Variants in SLC9A9 observed in about 807,000 individuals in gnomAD.
The protein encoded by SLC9A9 is solute carrier family 9 member A9, also known as sodium/hydrogen exchanger 9.
SLC9A9 carries 62 observed loss-of-function variants against 77.8 expected under a neutral mutation model. The observed-to-expected ratio is 0.80, with a 90% CI of 0.65 to 0.98. The LOEUF is 0.98. Among genes scored for constraint, SLC9A9 ranks in the 50% least tolerant of loss-of-function variants. The pLI is 0.00. For synonymous variants in SLC9A9, 320 were observed against 283.5 expected (o/e 1.13, Z -1.29); for missense variants, 775 against 774.9 (o/e 1.00, Z 0.00).
intron 9 of SLC9A9, chr3:143,517,768 C>T: frequency 1.9e-6 from 3 of 1,598,476 alleles, no homozygotes; most frequent in Non-Finnish European, 1.7e-6. Flanking sequence ...AGACACTGGC[C>T]CTCTTGGCAT....
intron 6 of SLC9A9, among the ~76,000 whole-genome samples, chr3:143,604,942 G>A (rs2037898006): frequency 1.3e-5 from 2 of 152,206 alleles, no homozygotes; most frequent in South Asian, 4.1e-4. Context: ...GTTGAAACAA[G>A]TTAGAGACTG....
chr3:143,744,348 C>T (rs1281692853), intron 4 of SLC9A9, among the ~76,000 whole-genome samples: 2 of 152,152 alleles, frequency 1.3e-5, no homozygotes, highest in African/African-American at 2.4e-5. Context: ...AAAGACATCC[C>T]TCGTGGTGCC....
At chr3:143,805,428 T>C (rs1474442034) in intron 2 of SLC9A9, among the ~76,000 whole-genome samples, 2 of 152,012 alleles carry the variant, frequency 1.3e-5, no homozygotes, top group East Asian at 3.9e-4. Context: ...GCCCCAACAC[T>C]TCAATACTAT....
chr3:143,655,404 A>C, intron 5 of SLC9A9: 156 of 899,274 alleles, frequency 1.7e-4, no homozygotes, highest in Non-Finnish European at 1.9e-4. Flanking sequence ...CACTCTGGAC[A>C]TCGTGTGGAT....
At chr3:143,680,796 T>C (rs1476676884) in intron 5 of SLC9A9, among the ~76,000 whole-genome samples, 3 of 152,214 alleles carry the variant, frequency 2.0e-5, no homozygotes, top group Non-Finnish European at 4.4e-5. Context: ...CTAGAACTTC[T>C]ATGCCAGTAT....
At chr3:143,415,706 C>T (rs1480259468) in intron 12 of SLC9A9, among the ~76,000 whole-genome samples, 1 of 152,150 alleles carries the variant, frequency 6.6e-6, no homozygotes, top group Non-Finnish European at 1.5e-5. Flanking sequence ...GTGGCTAATA[C>T]AACATCAGCC....
chr3:143,369,577 G>T (rs1053715814), intron 13 of SLC9A9, among the ~76,000 whole-genome samples: 47 of 151,976 alleles, frequency 3.1e-4, no homozygotes, highest in Admixed American at 9.8e-4. Flanking sequence ...ATTACACATT[G>T]CATACATGTA....
chr3:143,425,660 C>T (rs577515808), intron 12 of SLC9A9, among the ~76,000 whole-genome samples: 115 of 152,278 alleles, frequency 7.6e-4, no homozygotes, highest in African/African-American at 2.6e-3. Context: ...CTTTTTGATG[C>T]ACACTTTTCT....
chr3:143,605,152 T>C (rs1269180374), intron 6 of SLC9A9, among the ~76,000 whole-genome samples: 2 of 152,170 alleles, frequency 1.3e-5, no homozygotes, highest in African/African-American at 4.8e-5. Context: ...TATACTTCCT[T>C]TGGAGCGCAT....
At chr3:143,457,802 G>T (rs1224668145) in intron 12 of SLC9A9, among the ~76,000 whole-genome samples, 1 of 152,058 alleles carries the variant, frequency 6.6e-6, no homozygotes, top group Non-Finnish European at 1.5e-5. Flanking sequence ...TATGATCAGA[G>T]AACAAACACT....
intron 12 of SLC9A9, among the ~76,000 whole-genome samples, chr3:143,395,814 A>C (rs2033714613): frequency 6.6e-6 from 1 of 152,266 alleles, no homozygotes; most frequent in African/African-American, 2.4e-5. Flanking sequence ...TTCTCAAAAG[A>C]ACACATTTAT....
chr3:143,423,248 T>TACACACACACACACAC (rs377276883), intron 12 of SLC9A9, among the ~76,000 whole-genome samples: 10 of 143,834 alleles, frequency 7.0e-5, no homozygotes, highest in Non-Finnish European at 1.1e-4. Flanking sequence ...CACGCGCGTG[T>TACACACACACACACAC]ACACACACAC....
At chr3:143,482,464 C>A (rs933717604) in intron 11 of SLC9A9, among the ~76,000 whole-genome samples, 7 of 152,184 alleles carry the variant, frequency 4.6e-5, no homozygotes, top group African/African-American at 1.7e-4. Flanking sequence ...CTCAAAAGTG[C>A]AGCAGAAGTC....
chr3:143,788,740 A>T (rs1363740891), intron 4 of SLC9A9, among the ~76,000 whole-genome samples: 1 of 150,990 alleles, frequency 6.6e-6, no homozygotes, highest in Non-Finnish European at 1.5e-5. Context: ...TACTTCATAC[A>T]TGCATAAGCA....
chr3:143,383,631 C>T (rs2033353822), intron 12 of SLC9A9, among the ~76,000 whole-genome samples: 1 of 152,202 alleles, frequency 6.6e-6, no homozygotes, highest in African/African-American at 2.4e-5. Context: ...GGCCCTGAAA[C>T]TCAAACTTCC....
At chr3:143,581,941 T>C (rs2037461687) in intron 6 of SLC9A9, among the ~76,000 whole-genome samples, 1 of 152,210 alleles carries the variant, frequency 6.6e-6, no homozygotes, top group Non-Finnish European at 1.5e-5. Context: ...TGCTTCTCTT[T>C]GGATGCCCAG....
chr3:143,747,198 G>A (rs561518074), intron 4 of SLC9A9, among the ~76,000 whole-genome samples: 123 of 152,182 alleles, frequency 8.1e-4, no homozygotes, highest in Non-Finnish European at 1.4e-3. Flanking sequence ...GAGGTCAGGA[G>A]TTTGAGACCA....
chr3:143,727,827 A>C (rs1025268954), intron 4 of SLC9A9, among the ~76,000 whole-genome samples: 7 of 152,242 alleles, frequency 4.6e-5, no homozygotes, highest in Non-Finnish European at 1.0e-4. Flanking sequence ...AGAATCTGCT[A>C]CTACTGCATT....
At chr3:143,714,136 C>T (rs1934269163) in intron 4 of SLC9A9, among the ~76,000 whole-genome samples, 2 of 152,164 alleles carry the variant, frequency 1.3e-5, no homozygotes, top group African/African-American at 4.8e-5. Context: ...TTTAACTCCT[C>T]CGAATTGGGA....
Sources: gnomAD v4.1 joint callset for allele counts (sites outside exome capture counted in the v4.1 genomes callset) on GRCh38, gnomAD v4.1.1 for gene constraint, MANE v1.5 for transcripts, NCBI Gene and HGNC (gene_info 2026-07-23, HGNC 2026-07-21) for gene names.